The following GGCX variants were observed in gnomAD, a reference collection of about 807,000 sequenced individuals.
GGCX encodes the protein vitamin K-dependent gamma-carboxylase.
A neutral mutation model predicts 88.5 loss-of-function variants in GGCX; 63 were observed. The observed-to-expected ratio is 0.71, with a 90% CI of 0.58 to 0.88. GGCX has a LOEUF of 0.88. Ranked by LOEUF, GGCX falls within the 40% of genes least tolerant of loss-of-function variation. The pLI, the probability that GGCX is intolerant of heterozygous loss-of-function variation, is 0.00. For synonymous variants in GGCX, 368 were observed against 365.8 expected, an observed-to-expected ratio of 1.01 and a Z score of -0.07; for missense variants, 805 against 932.9, an observed-to-expected ratio of 0.86 and a Z score of 1.79.
In GGCX at chr2:85,558,481, C is replaced by T; in HGVS notation, c.498G>A (p.Leu166=). The T allele has an allele frequency of 3.7e-6, 6 of 1,614,050 alleles. No homozygotes were observed. In the South Asian group the frequency reaches 6.6e-5, roughly 18 times the overall value. The part of the protein sequence containing the change: ...SWNNHSYLYG[L]LAFQLTFMDA... ...CCATGAATGTTAGCTGAAAGGCCAA[C>T]AACCCATACAGATAGGAGTGGTTGT... Residue 166 remains leucine, a synonymous_variant, in exon 4 of 15, where the codon TTG becomes TTA. Transcript: ENST00000233838.
chr2:85,553,556 G>T (rs184087853), intron 7 of GGCX, 59 bp from the exon 8 acceptor site: 6 of 1,525,406 alleles, frequency 3.9e-6, no homozygotes, highest in Non-Finnish European at 5.4e-6. Flanking sequence ...CTTCAACCCC[G>T]TTCCCTTAGG....
At position 85,545,317 on chromosome 2, in the gene GGCX, C is replaced by T. The variant is rs566495617; in HGVS notation, c.*4617G>A. ...ACTCATTTGTTAAAGTGCTTTGGGG[C>T]CATAGGTACGTGCCTATAATCCCAA... On this transcript the variant is annotated 3_prime_UTR_variant, in exon 15 of 15. Coordinates refer to ENST00000233838, the MANE Select transcript of GGCX (RefSeq NM_000821.7). The T allele has an allele frequency of 2.0e-5, 3 of 152,548 alleles. No homozygotes were observed. Among genetic ancestry groups the T allele is most frequent in the African/African-American group, 7.2e-5 (3 of 41,418 alleles). 9.4% of individuals were successfully genotyped at this position (152,548 alleles called of 1,614,324 possible). A position where few individuals can be genotyped will look rare whatever the true frequency, so the allele number is the denominator to read the frequency against.
chr2:85,554,518 G>A (rs1692121566), intron 6 of GGCX: 1 of 600,324 alleles, frequency 1.7e-6, no homozygotes, highest in African/African-American at 1.8e-5. Context: ...TAGGCTGGAA[G>A]GCAATGGCAT....
At chr2:85,550,264 A>G in intron 14 of GGCX, 138 bp from the exon 15 acceptor site, 4 of 719,070 alleles carry the variant, frequency 5.6e-6, no homozygotes, top group Admixed American at 4.2e-5. Context: ...GTGACCCTCC[A>G]TCTCCCAGCT....
Position 85,549,880 on chromosome 2 carries a change from A to G in GGCX, c.*54T>C. The G allele has an allele frequency of 8.8e-7, 1 of 1,130,612 alleles. No individual in the cohort carries two copies. Among genetic ancestry groups the G allele is most frequent in the Non-Finnish European group, 1.3e-6 (1 of 774,832 alleles). The allele number at this position is 1,130,612 out of a possible 1,614,324, so 70.0% of individuals were successfully genotyped here. A position where few individuals can be genotyped will look rare whatever the true frequency, so the allele number is the denominator to read the frequency against. The stretch of plus-strand genomic sequence containing the variant: ...TTTTTCAAATAAATGTCCATTGCAT[A>G]GAATGGGTCTGTGACTGGCTGCTTC... On this transcript the variant is annotated 3_prime_UTR_variant, in exon 15 of 15. Transcript: ENST00000233838.
At chr2:85,556,669 C>T (rs1416540686) in intron 4 of GGCX, among the ~76,000 whole-genome samples, 1 of 152,092 alleles carries the variant, frequency 6.6e-6, no homozygotes, top group African/African-American at 2.4e-5. Flanking sequence ...GAGTAACACA[C>T]AACATAAACT....
Position 85,549,087 on chromosome 2 carries a change from T to G in GGCX, c.*847A>C, listed in dbSNP as rs1171047276. 1 of 152,180 alleles carries G rather than the reference T, an allele frequency of 6.6e-6. No individual in the cohort carries two copies. The highest frequency in any genetic ancestry group is 1.5e-5 in the Non-Finnish European group (1 of 68,032). The allele number at this position is 152,180 out of a possible 1,614,324, so 9.4% of individuals were successfully genotyped here. ...AACCTGACCACCATCCAATTATACT[T>G]TTAATTAAGAAAACATGTTTTAAGC... On this transcript the variant is annotated 3_prime_UTR_variant, in exon 15 of 15. Coordinates refer to ENST00000233838, the MANE Select transcript of GGCX (RefSeq NM_000821.7).
In GGCX at chr2:85,558,625, G is replaced by A; in HGVS notation, c.374-20C>T. The stretch of plus-strand genomic sequence containing the variant: ...GTGCCCCTGGGATTTGTAGGGAGAG[G>A]ATTAAGAGGTCAAGAGATCACCACA... On this transcript the variant is annotated intron_variant, in intron 3 of 14. Coordinates refer to ENST00000233838, the MANE Select transcript of GGCX (RefSeq NM_000821.7). 1.2e-6 allele frequency: 2 copies of A among 1,601,836 alleles called. No individual in the cohort carries two copies. Among genetic ancestry groups the A allele is most frequent in the South Asian group, 1.1e-5 (1 of 90,876 alleles).
chr2:85,558,895 T>C, intron 3 of GGCX, 22 bp downstream of exon 3: 1 of 1,609,180 alleles, frequency 6.2e-7, no homozygotes, highest in South Asian at 1.1e-5. Flanking sequence ...GGCCAGTCAA[T>C]ATTTCCCACA....
chr2:85,553,346 C>T lies in GGCX; in HGVS notation c.1041G>A (p.Arg347=), dbSNP rs147800026. ...GCTTCTGGCCACTTTTGCCCCGGCTCCTCTTATACACACAGGAAACACTGG... is the reference window on the plus strand; with the variant it reads ...GCTTCTGGCCACTTTTGCCCCGGCTTCTCTTATACACACAGGAAACACTGG... ...PQPSVSCVYK[R]SRGKSGQKPG... The change falls in exon 8 of 15, where the codon AGG becomes AGA. Residue 347 remains arginine, a synonymous_variant. Coordinates refer to ENST00000233838, the MANE Select transcript of GGCX (RefSeq NM_000821.7). 2.5e-6 allele frequency: 4 copies of T among 1,614,236 alleles called. No individual in the cohort carries two copies. Among genetic ancestry groups the T allele is most frequent in the Non-Finnish European group, 3.4e-6 (4 of 1,180,028 alleles).
chr2:85,550,558 C>T lies in GGCX; in HGVS notation c.2081G>A (p.Arg694His), dbSNP rs140098905. 8.0e-5 allele frequency: 129 copies of T among 1,609,434 alleles called. No homozygotes were observed. The highest frequency in any genetic ancestry group is 3.3e-4 in the Middle Eastern group (2 of 6,076). Residue 694 changes from arginine (R) to histidine (H), a missense_variant, in exon 14 of 15, where the codon CGC (arginine) becomes CAC (histidine). Arg to His is a conservative substitution (Grantham distance 29). This residue lies in a region of GGCX where 680 missense variants were observed against 763.7 expected (regional missense o/e 0.89). Transcript: ENST00000233838. ...FLLRKLYVFR[R>H]SFLMTCISLR... Reference sequence around the variant, plus strand: ...ACAAATATTGTTGTGAACTTACCTGCGGCGAAAGACATAGAGCTTTCGCAA... The same window carrying T: ...ACAAATATTGTTGTGAACTTACCTGTGGCGAAAGACATAGAGCTTTCGCAA...
rs1278504192 is a variant in GGCX at position 85,547,522 on chromosome 2, G to A, written c.*2412C>T. 1 of 152,170 alleles carries A rather than the reference G, an allele frequency of 6.6e-6. No individual in the cohort carries two copies. Among genetic ancestry groups the A allele is most frequent in the East Asian group, 1.9e-4 (1 of 5,202 alleles). 9.4% of individuals were successfully genotyped at this position (152,170 alleles called of 1,614,324 possible). A position where few individuals can be genotyped will look rare whatever the true frequency, so the allele number is the denominator to read the frequency against. The stretch of plus-strand genomic sequence containing the variant: ...AGGGCAGCATCCTTGCCCATATTTA[G>A]AAAAATACTTTTTCAAGTGTCTTCT... On this transcript the variant is annotated 3_prime_UTR_variant, in exon 15 of 15. Transcript: ENST00000233838.
In GGCX at chr2:85,561,466, G is replaced by A. The variant is rs1420917215; in HGVS notation, c.-38C>T. 6 of 1,503,340 alleles carry A rather than the reference G, an allele frequency of 4.0e-6. 1 individual carries two copies. Among genetic ancestry groups the A allele is most frequent in the Admixed American group, 3.9e-5 (2 of 50,660 alleles). The allele number at this position is 1,503,340 out of a possible 1,614,324, so 93.1% of individuals were successfully genotyped here. On this transcript the variant is annotated 5_prime_UTR_variant, in exon 1 of 15. The change creates a new upstream start codon in the 5' untranslated region. Coordinates refer to ENST00000233838, the MANE Select transcript of GGCX (RefSeq NM_000821.7). ...GAGGCAGGTGGGTCACAGCTGCCGC[G>A]TCTGAACGGAGGCCGCCAGGAGAAT...
rs371283360 is a variant in GGCX, at chr2:85,558,511, T to C, written c.468A>G (p.Ser156=). The change falls in exon 4 of 15, where the codon TCA becomes TCG. Residue 156 remains serine (S), a synonymous_variant. Transcript: ENST00000233838. ...YWYVFLLDKT[S]WNNHSYLYGL... ...CATACAGATAGGAGTGGTTGTTCCA[T>C]GATGTCTTGTCCAGGAGAAACACAT... 3.6e-5 allele frequency: 58 copies of C among 1,613,496 alleles called. No individual in the cohort carries two copies. Among genetic ancestry groups the C allele is most frequent in the Non-Finnish European group, 4.5e-5 (53 of 1,179,530 alleles).
At position 85,549,818 on chromosome 2, in the gene GGCX, C is replaced by T. The variant is rs1488296234; in HGVS notation, c.*116G>A. 6 of 684,498 alleles carry T rather than the reference C, an allele frequency of 8.8e-6. 1 individual carries two copies. The highest frequency in any genetic ancestry group is 6.1e-5 in the East Asian group (2 of 32,972). The allele number at this position is 684,498 out of a possible 1,614,324, so 42.4% of individuals were successfully genotyped here. ...GGAGTTAAAAACAGCTTTAGAACCC[C>T]GCCCCCCCAAAAAAAAAAAAAAAAC... On this transcript the variant is annotated 3_prime_UTR_variant, in exon 15 of 15. Transcript: ENST00000233838.
chr2:85,549,852 A>AT lies in GGCX; in HGVS notation c.*81dup. The AT allele has an allele frequency of 6.0e-6, 5 of 833,802 alleles. No individual in the cohort carries two copies. The highest frequency in any genetic ancestry group is 4.0e-5 in the East Asian group (1 of 25,076). 51.7% of individuals were successfully genotyped at this position (833,802 alleles called of 1,614,324 possible). A position where few individuals can be genotyped will look rare whatever the true frequency, so the allele number is the denominator to read the frequency against. On this transcript the variant is annotated 3_prime_UTR_variant, in exon 15 of 15. Transcript: ENST00000233838. ...AAAAAAAAAAAAAAAACTTTTGAGA[A>AT]TTTTTTTCAAATAAATGTCCATTGC...
In GGCX at chr2:85,549,999, T is replaced by C. The variant is rs1691855916; in HGVS notation, c.2212A>G (p.Asn738Asp). Reference protein sequence around the residue: ...FEAVGELNPSNTDSSHSNPPE... With the variant: ...FEAVGELNPSDTDSSHSNPPE... The stretch of plus-strand genomic sequence containing the variant: ...GGATTAGAATGTGAAGAATCCGTGT[T>C]TGAGGGATTCAGTTCTCCAACTGCC... Residue 738 changes from asparagine to aspartate, a missense_variant, in exon 15 of 15, where the codon AAC (asparagine) becomes GAC (aspartate). Transcript: ENST00000233838. The C allele has an allele frequency of 6.2e-7, 1 of 1,613,230 alleles. No homozygotes were observed. Among genetic ancestry groups the C allele is most frequent in the Admixed American group, 1.7e-5 (1 of 60,010 alleles).
At chr2:85,561,137 G>A (rs1692432931) in intron 1 of GGCX, 152 bp from the exon 2 acceptor site, 5 of 747,306 alleles carry the variant, frequency 6.7e-6, no homozygotes, top group Non-Finnish European at 1.2e-5. Flanking sequence ...CATCCCTGCA[G>A]TGCAGCCCCC....
rs1443439273 is a variant in GGCX, at chr2:85,551,326, T to C, written c.1740+154A>G. ...TCTTGCTCATCTAAGCTTTCTGCCA[T>C]TGTTTTTTAAATTGTTAGAGATGGG... On this transcript the variant is annotated intron_variant, in intron 12 of 14. Coordinates refer to ENST00000233838, the MANE Select transcript of GGCX (RefSeq NM_000821.7). Among the ~76,000 whole-genome samples, 3 of 152,322 alleles carry C rather than the reference T, an allele frequency of 2.0e-5. No individual in the cohort carries two copies. In the East Asian group the frequency reaches 5.8e-4, roughly 29 times the overall value.
Sources: gnomAD v4.1 joint callset for allele counts (sites outside exome capture counted in the v4.1 genomes callset) on GRCh38, gnomAD v4.1.1 for gene constraint, gnomAD v4.1.1 regional missense constraint, MANE v1.5 for transcripts, NCBI Gene and HGNC (gene_info 2026-07-23, HGNC 2026-07-21) for gene names.